VPS37D: variants seen among roughly 807,000 people sequenced by gnomAD.
VPS37D encodes VPS37D subunit of ESCRT-I, also known as vacuolar protein sorting-associated protein 37D.
Under a neutral mutation model 22.0 loss-of-function variants are expected in VPS37D, and 5 were observed. That is an observed-to-expected ratio of 0.23 (90% confidence interval 0.12 to 0.48). The LOEUF (loss-of-function observed/expected upper bound fraction) is 0.48, where lower values mean the gene tolerates loss of function less well. Among genes scored for constraint, VPS37D ranks in the 20% least tolerant of loss-of-function variants. VPS37D has a pLI of 0.99. For synonymous variants in VPS37D, 174 were observed against 159.3 expected, an observed-to-expected ratio of 1.09 and a Z score of -0.69; for missense variants, 384 against 345.8, an observed-to-expected ratio of 1.11 and a Z score of -0.88.
At chr7:73,669,798 G>A (rs1428185976) in intron 2 of VPS37D, among the ~76,000 whole-genome samples, 4 of 152,176 alleles carry the variant, frequency 2.6e-5, no homozygotes, top group Non-Finnish European at 5.9e-5. Context: ...CCCCTGAGAT[G>A]CTGAGGGGGA....
chr7:73,667,373 C>T (rs1797397950), upstream of VPS37D, among the ~76,000 whole-genome samples: 2 of 152,200 alleles, frequency 1.3e-5, no homozygotes, highest in South Asian at 4.2e-4. Context: ...TCAAGCGATC[C>T]TCCCTTCTCG....
Position 73,671,362 on chromosome 7 carries a change from C to G in VPS37D, c.742C>G (p.Pro248Ala). Residue 248 changes from proline (P) to alanine (A), a missense_variant, in exon 4 of 4, where the codon CCC becomes GCC. Transcript: ENST00000324941. Reference protein sequence around the residue: ...LLSPRPSQPEPPHR With the variant: ...LLSPRPSQPEAPHR Reference sequence around the variant, plus strand: ...GAGCCCTCGGCCCTCGCAGCCAGAGCCCCCCCACCGGTAGGATCCACGGTG... The same window carrying G: ...GAGCCCTCGGCCCTCGCAGCCAGAGGCCCCCCACCGGTAGGATCCACGGTG... The G allele has an allele frequency of 7.3e-7, 1 of 1,369,912 alleles. No individual in the cohort carries two copies. Among genetic ancestry groups the G allele is most frequent in the Non-Finnish European group, 9.4e-7 (1 of 1,062,432 alleles). The allele number at this position is 1,369,912 out of a possible 1,614,324, so 84.9% of individuals were successfully genotyped here. A position where few individuals can be genotyped will look rare whatever the true frequency, so the allele number is the denominator to read the frequency against.
At chr7:73,669,978 G>A in intron 2 of VPS37D, 42 bp from the exon 3 acceptor site, 2 of 1,551,302 alleles carry the variant, frequency 1.3e-6, no homozygotes, top group Middle Eastern at 1.7e-4. Context: ...GCAAGCCCGG[G>A]GCCCTGGCCT....
chr7:73,671,216 T>C lies in VPS37D; in HGVS notation c.596T>C (p.Leu199Pro), dbSNP rs1185303611. ...AAATCCTTCCCGGCTGCAGCTGTCC[T>C]GCCCACTGGGGCCGCCCGGGGGCCA... ...PPKSFPAAAV[L>P]PTGAARGPPA... Residue 199 changes from leucine (L) to proline (P), a missense_variant, in exon 4 of 4, where the codon CTG (leucine) becomes CCG (proline). Transcript: ENST00000324941. 4 of 1,576,408 alleles carry C rather than the reference T, an allele frequency of 2.5e-6. No individual in the cohort carries two copies.
rs1279175191 is a variant in VPS37D, at chr7:73,671,826, C to T, written c.*450C>T. 1.3e-5 allele frequency: 2 copies of T among 152,222 alleles called. No homozygotes were observed. Among genetic ancestry groups the T allele is most frequent in the Admixed American group, 1.3e-4 (2 of 15,280 alleles). 9.4% of individuals were successfully genotyped at this position (152,222 alleles called of 1,614,324 possible). On this transcript the variant is annotated 3_prime_UTR_variant, in exon 4 of 4. Transcript: ENST00000324941. ...TACCTTTCCCCCAAATTCTGGGGCC[C>T]ACAGCCTAGGAGCCAGGTGATCAGG...
upstream of VPS37D, among the ~76,000 whole-genome samples, chr7:73,666,772 A>G (rs1554608719): frequency 6.6e-6 from 1 of 151,898 alleles, no homozygotes; most frequent in East Asian, 1.9e-4. Context: ...TAACATTGCT[A>G]GCCATATCAC....
At position 73,671,280 on chromosome 7, in the gene VPS37D, C is replaced by T. The variant is rs781877299; in HGVS notation, c.660C>T (p.Arg220=). ...VPRSLPPLDS[R]PVPPLKGSPG... is the part of the protein sequence containing the mutation. ...GGAGCCTGCCCCCCTTGGACTCCCG[C>T]CCAGTGCCCCCACTGAAGGGCTCCC... Residue 220 remains arginine (R), a synonymous_variant, in exon 4 of 4, where the codon CGC becomes CGT. Transcript: ENST00000324941. The T allele has an allele frequency of 2.1e-6, 3 of 1,450,592 alleles. No individual in the cohort carries two copies. Among genetic ancestry groups the T allele is most frequent in the Admixed American group, 4.9e-5 (2 of 41,018 alleles). The allele number at this position is 1,450,592 out of a possible 1,614,324, so 89.9% of individuals were successfully genotyped here. A position where few individuals can be genotyped will look rare whatever the true frequency, so the allele number is the denominator to read the frequency against.
intron 3 of VPS37D, 38 bp from the exon 4 acceptor site, chr7:73,670,976 C>T (rs782667843): frequency 6.4e-5 from 103 of 1,600,120 alleles, no homozygotes; most frequent in Middle Eastern, 1.7e-4. Context: ...AGTCTGTGGT[C>T]GTGCCTCTCC....
chr7:73,670,813 A>C lies in VPS37D; in HGVS notation c.394-201A>C, dbSNP rs554397311. Among the ~76,000 whole-genome samples the C allele has an allele frequency of 4.6e-5, 7 of 151,826 alleles. No homozygotes were observed. In the East Asian group the frequency reaches 1.4e-3, roughly 29 times the overall value. ...CCACAGTGAGACTCTGTCTCAGGAA[A>C]AAAAAAAAAAAGTGGGAGGACATTT... On this transcript the variant is annotated intron_variant, in intron 3 of 3. Coordinates refer to ENST00000324941, the MANE Select transcript of VPS37D (RefSeq NM_001077621.2).
chr7:73,666,268 C>A (rs2116622614), upstream of VPS37D, among the ~76,000 whole-genome samples: 1 of 152,288 alleles, frequency 6.6e-6, no homozygotes, highest in Admixed American at 6.5e-5. Flanking sequence ...AATCCATGAA[C>A]TCCCTGAGGG....
intron 1 of VPS37D, among the ~76,000 whole-genome samples, chr7:73,668,471 C>T (rs528910396): frequency 4.0e-5 from 6 of 150,306 alleles, no homozygotes; most frequent in Admixed American, 1.3e-4. Flanking sequence ...AGGGGCCTGT[C>T]TGACACCTGG....
At chr7:73,669,996 A>C in intron 2 of VPS37D, 24 bp from the exon 3 acceptor site, 1 of 1,551,162 alleles carries the variant, frequency 6.4e-7, no homozygotes, top group Non-Finnish European at 8.7e-7. Flanking sequence ...CCTGTCTGTC[A>C]CTCTGTCCCT....
chr7:73,668,222 C>T lies in VPS37D; in HGVS notation c.138+126C>T, dbSNP rs1305949915. The T allele has an allele frequency of 1.2e-5, 6 of 492,884 alleles. No individual in the cohort carries two copies. The East Asian group carries it at 4.8e-4, about 40-fold the overall frequency. 30.5% of individuals were successfully genotyped at this position (492,884 alleles called of 1,614,324 possible). ...CCGTGGGCGCGGAGCCTGGCACGTA[C>T]GAGTGGGCCCCGCGGAGCCACCCCC... is the stretch of plus-strand genomic sequence containing the variant. On this transcript the variant is annotated intron_variant, in intron 1 of 3. Transcript: ENST00000324941.
In VPS37D at chr7:73,671,495, C is replaced by T. The variant is rs1797515182; in HGVS notation, c.*119C>T. On this transcript the variant is annotated 3_prime_UTR_variant, in exon 4 of 4. Transcript: ENST00000324941. Reference sequence around the variant, plus strand: ...GCCCCTCCCCCTGGCCTCAGGCAGGCCCTGGCCCTGGAGGCTGAGCTGGGG... The same window carrying T: ...GCCCCTCCCCCTGGCCTCAGGCAGGTCCTGGCCCTGGAGGCTGAGCTGGGG... The T allele has an allele frequency of 2.2e-6, 1 of 448,524 alleles. No individual in the cohort carries two copies. Among genetic ancestry groups the T allele is most frequent in the Non-Finnish European group, 3.8e-6 (1 of 261,472 alleles). The allele number at this position is 448,524 out of a possible 1,614,324, so 27.8% of individuals were successfully genotyped here.
chr7:73,667,880 A>ATC lies in VPS37D; in HGVS notation c.-79_-78insTC. ...GGAGCGGATCCTGGAGCCGGAGCGG[A>ATC]GCGGAGCGGAGCGGAGCCGGGGCGG... is the stretch of plus-strand genomic sequence containing the variant. On this transcript the variant is annotated 5_prime_UTR_variant, in exon 1 of 4. Coordinates refer to ENST00000324941, the MANE Select transcript of VPS37D (RefSeq NM_001077621.2). The ATC allele has an allele frequency of 2.6e-6, 1 of 387,638 alleles. No homozygotes were observed. Among genetic ancestry groups the ATC allele is most frequent in the Non-Finnish European group, 3.5e-6 (1 of 284,078 alleles). The allele number at this position is 387,638 out of a possible 1,614,324, so 24.0% of individuals were successfully genotyped here.
intron 1 of VPS37D, among the ~76,000 whole-genome samples, chr7:73,668,330 C>T (rs1390803368): frequency 6.6e-6 from 1 of 151,762 alleles, no homozygotes. Flanking sequence ...CCCAGGATGG[C>T]CGCGAGGCGT....
upstream of VPS37D, among the ~76,000 whole-genome samples, chr7:73,667,301 A>AT (rs1367667659): frequency 1.3e-5 from 2 of 150,464 alleles, no homozygotes; most frequent in Non-Finnish European, 3.0e-5. Flanking sequence ...CAATTTTTAA[A>AT]TTTTTTTAAA....
At position 73,667,913 on chromosome 7, in the gene VPS37D, C is replaced by G. The variant is rs1450839538; in HGVS notation, c.-46C>G. The G allele has an allele frequency of 3.5e-4, 264 of 764,002 alleles. 1 individual carries two copies. Among genetic ancestry groups the G allele is most frequent in the Middle Eastern group, 6.1e-4 (1 of 1,642 alleles). The allele number at this position is 764,002 out of a possible 1,614,324, so 47.3% of individuals were successfully genotyped here. A position where few individuals can be genotyped will look rare whatever the true frequency, so the allele number is the denominator to read the frequency against. Reference sequence around the variant, plus strand: ...GGAGCGGAGCCGGGGCGGAGCGGGCCGAGCGGGCCGAGCCAGCAGCCGAGC... The same window carrying G: ...GGAGCGGAGCCGGGGCGGAGCGGGCGGAGCGGGCCGAGCCAGCAGCCGAGC... On this transcript the variant is annotated 5_prime_UTR_variant, in exon 1 of 4. Transcript: ENST00000324941.
chr7:73,666,849 C>T (rs1171859806), upstream of VPS37D, among the ~76,000 whole-genome samples: 2 of 152,068 alleles, frequency 1.3e-5, no homozygotes, highest in African/African-American at 4.8e-5. Flanking sequence ...AGGCTGGTCT[C>T]AAAACTGAGC....
Sources: gnomAD v4.1 joint callset for allele counts (sites outside exome capture counted in the v4.1 genomes callset) on GRCh38, gnomAD v4.1.1 for gene constraint, MANE v1.5 for transcripts, NCBI Gene and HGNC (gene_info 2026-07-23, HGNC 2026-07-21) for gene names.